The following CACNA2D4 variants were observed in gnomAD, a reference collection of about 807,000 sequenced individuals.
CACNA2D4 encodes calcium voltage-gated channel auxiliary subunit alpha2delta 4.
Under a neutral mutation model 163.8 loss-of-function variants are expected in CACNA2D4, and 157 were observed. That is an observed-to-expected ratio of 0.96 (90% CI 0.84 to 1.09). The LOEUF is 1.09. Among genes scored for constraint, CACNA2D4 ranks in the 50% least tolerant of loss-of-function variants. The pLI, the probability that CACNA2D4 is intolerant of heterozygous loss-of-function variation, is 0.00. For missense variants in CACNA2D4, 1,410 were observed against 1,479.9 expected (o/e 0.95, Z 0.78); for synonymous variants, 598 against 586.9 (o/e 1.02, Z -0.27).
chr12:1,823,741 A>G (rs905490368), intron 26 of CACNA2D4, among the ~76,000 whole-genome samples: 1 of 152,250 alleles, frequency 6.6e-6, no homozygotes, highest in Admixed American at 6.5e-5. Flanking sequence ...ATCTCAGTCC[A>G]GCAAGTCACA....
At chr12:1,840,966 T>G in intron 25 of CACNA2D4, 147 bp from the exon 26 acceptor site, 1 of 720,198 alleles carries the variant, frequency 1.4e-6, no homozygotes, top group Non-Finnish European at 2.4e-6. Flanking sequence ...ACAGGGGTTG[T>G]GTTTGGAGAA....
chr12:1,881,452 T>C (rs1191930596), intron 13 of CACNA2D4, among the ~76,000 whole-genome samples: 1 of 152,238 alleles, frequency 6.6e-6, no homozygotes, highest in African/African-American at 2.4e-5. Context: ...TCTGAAAGCC[T>C]TCGCTTTCCA....
At chr12:1,855,689 A>C (rs529809150) in intron 22 of CACNA2D4, among the ~76,000 whole-genome samples, 2 of 152,340 alleles carry the variant, frequency 1.3e-5, no homozygotes, top group Admixed American at 6.5e-5. Context: ...TGGTAGGGAA[A>C]AAGATGACAG....
intron 6 of CACNA2D4, among the ~76,000 whole-genome samples, chr12:1,906,239 C>A (rs1040465729): frequency 2.6e-5 from 4 of 152,160 alleles, no homozygotes; most frequent in East Asian, 1.9e-4. Context: ...AGGGGAAACA[C>A]TTTATGACAT....
At chr12:1,800,565 C>A in intron 31 of CACNA2D4, 127 bp from the exon 32 acceptor site, 1 of 908,518 alleles carries the variant, frequency 1.1e-6, no homozygotes, top group Non-Finnish European at 1.8e-6. Context: ...GCAGGGGCAG[C>A]AGAGCACAGG....
chr12:1,882,802 C>T (rs949944870), intron 13 of CACNA2D4, 65 bp downstream of exon 13: 14 of 1,573,548 alleles, frequency 8.9e-6, no homozygotes, highest in Non-Finnish European at 1.2e-5. Context: ...GAAGTAACTT[C>T]TTACTCCCTG....
rs745760527 is a variant in CACNA2D4 at position 1,830,899 on chromosome 12, A to G, written c.2551+9840T>C. 5.2e-6 allele frequency: 8 copies of G among 1,538,042 alleles called. No individual in the cohort carries two copies. The African/African-American group carries it at 5.4e-5, about 10-fold the overall frequency. The stretch of plus-strand genomic sequence containing the variant: ...GAAGCAGGAGGTGGTGACCCGTCCT[A>G]TTGCTTTCTTTCCCCCGTCTGTCCC... On this transcript the variant is annotated intron_variant, in intron 26 of 37. Transcript: ENST00000382722.
intron 6 of CACNA2D4, among the ~76,000 whole-genome samples, chr12:1,901,588 T>A (rs935348389): frequency 6.6e-6 from 1 of 152,040 alleles, no homozygotes; most frequent in Non-Finnish European, 1.5e-5. Context: ...TTGGAAAACC[T>A]AGAAGAAATG....
At chr12:1,905,052 G>A (rs750026453) in intron 6 of CACNA2D4, among the ~76,000 whole-genome samples, 2 of 151,996 alleles carry the variant, frequency 1.3e-5, no homozygotes, top group Non-Finnish European at 2.9e-5. Flanking sequence ...GGAATGCAAG[G>A]ATGGTTCAAC....
rs1256456296 is a variant in CACNA2D4 at position 1,828,203 on chromosome 12, A to G, written c.2551+12536T>C. 6.5e-7 allele frequency: 1 copy of G among 1,545,992 alleles called. No homozygotes were observed. Among genetic ancestry groups the G allele is most frequent in the African/African-American group, 1.4e-5 (1 of 72,698 alleles). On this transcript the variant is annotated intron_variant, in intron 26 of 37. Transcript: ENST00000382722. This position sits in a 1 kb window ranked among gnomAD's most constrained non-coding sequence, Gnocchi z 4.2. ...GAGGGGCAGGCTCGCCCTGCAGTGG[A>G]GGCAAGTCTCCTGTGAGTACACCCC...
In CACNA2D4 at chr12:1,875,501, T is replaced by C. The variant is rs1476780444; in HGVS notation, c.1720-164A>G. On this transcript the variant is annotated intron_variant, in intron 16 of 37. Coordinates refer to ENST00000382722, the MANE Select transcript of CACNA2D4 (RefSeq NM_172364.5). The surrounding 1 kb of genome is among the most constrained non-coding windows in gnomAD (Gnocchi z 4.0). ...GGTTATCTGGGCAAATTCCACCTGA[T>C]ACAGAGCTCCCCTTACTGACATCTA... 6.6e-6 allele frequency among the ~76,000 whole-genome samples: 1 copy of C among 152,214 alleles called. No homozygotes were observed. The highest frequency in any genetic ancestry group is 2.4e-5 in the African/African-American group (1 of 41,460).
rs1326536362 is a variant in CACNA2D4 at position 1,798,692 on chromosome 12, G to C, written c.2995+983C>G. Among the ~76,000 whole-genome samples the C allele has an allele frequency of 2.0e-5, 3 of 152,168 alleles. No homozygotes were observed. The highest frequency in any genetic ancestry group is 4.4e-5 in the Non-Finnish European group (3 of 68,038). On this transcript the variant is annotated intron_variant, in intron 34 of 37. Transcript: ENST00000382722. This position sits in a 1 kb window ranked among gnomAD's most constrained non-coding sequence, Gnocchi z 4.3. ...CTGACATCTGTGTAGGCCAGACCAGGGGGAGGAGCTCCAGGGGACAGGTAC... is the reference window on the plus strand; with the variant it reads ...CTGACATCTGTGTAGGCCAGACCAGCGGGAGGAGCTCCAGGGGACAGGTAC...
intron 26 of CACNA2D4, among the ~76,000 whole-genome samples, chr12:1,839,413 G>A (rs907264103): frequency 9.2e-5 from 14 of 152,244 alleles, no homozygotes; most frequent in East Asian, 5.8e-4. Flanking sequence ...CTGCAGGCAC[G>A]AAGAAACTGA....
intron 3 of CACNA2D4, among the ~76,000 whole-genome samples, chr12:1,910,566 C>T (rs1254403062): frequency 3.3e-5 from 5 of 152,128 alleles, no homozygotes; most frequent in South Asian, 2.1e-4. Flanking sequence ...CTAAAATATG[C>T]GTGCGTGCCA....
At chr12:1,894,933 G>A (rs774429899) in intron 6 of CACNA2D4, among the ~76,000 whole-genome samples, 6 of 152,166 alleles carry the variant, frequency 3.9e-5, no homozygotes, top group Admixed American at 2.6e-4. Context: ...AATTGGAAAA[G>A]AGGAAGTCAA....
chr12:1,872,766 C>T (rs1173912341), intron 18 of CACNA2D4, among the ~76,000 whole-genome samples: 1 of 152,164 alleles, frequency 6.6e-6, no homozygotes, highest in Non-Finnish European at 1.5e-5. Context: ...TGGAGGCTGC[C>T]AGGCTCCTGG....
rs920744701 is a variant in CACNA2D4, at chr12:1,833,415, C to T, written c.2551+7324G>A. Among the ~76,000 whole-genome samples the T allele has an allele frequency of 5.3e-5, 8 of 152,140 alleles. No individual in the cohort carries two copies. Among genetic ancestry groups the T allele is most frequent in the Non-Finnish European group, 1.2e-4 (8 of 68,032 alleles). On this transcript the variant is annotated intron_variant, in intron 26 of 37. Transcript: ENST00000382722. This position sits in a 1 kb window ranked among gnomAD's most constrained non-coding sequence, Gnocchi z 4.2. Reference sequence around the variant, plus strand: ...TCCTCAACCACCTTCTCTCTCACCCCAGCCCTGTCCTGCATCTGTGTCTCC... The same window carrying T: ...TCCTCAACCACCTTCTCTCTCACCCTAGCCCTGTCCTGCATCTGTGTCTCC...
rs1863758715 is a variant in CACNA2D4 at position 1,812,958 on chromosome 12, A to G, written c.2552-1235T>C. On this transcript the variant is annotated intron_variant, in intron 26 of 37. Transcript: ENST00000382722. The stretch of plus-strand genomic sequence containing the variant: ...GTTGGTGGGAGTTCCAGTATGGCAC[A>G]GAGATACAGGATTGTGTTTTTGTTT... 2.6e-5 allele frequency among the ~76,000 whole-genome samples: 4 copies of G among 152,204 alleles called. 1 individual carries two copies. The South Asian group carries it at 8.3e-4, about 31-fold the overall frequency.
rs1863228247 is a variant in CACNA2D4 at position 1,799,197 on chromosome 12, A to AGTGG, written c.2995+477_2995+478insCCAC. ...CCGCCCTGCACGTGTGGCCACAGCC[A>AGTGG]CCGGGCTTTGTGTTGGGGCCTCTCA... On this transcript the variant is annotated intron_variant, in intron 34 of 37. Coordinates refer to ENST00000382722, the MANE Select transcript of CACNA2D4 (RefSeq NM_172364.5). The surrounding 1 kb of genome is among the most constrained non-coding windows in gnomAD (Gnocchi z 4.7). Among the ~76,000 whole-genome samples, 1 of 152,180 alleles carries AGTGG rather than the reference A, an allele frequency of 6.6e-6. No homozygotes were observed. The highest frequency in any genetic ancestry group is 1.5e-5 in the Non-Finnish European group (1 of 68,020).
Sources: allele counts gnomAD v4.1 joint callset (sites outside exome capture counted in the v4.1 genomes callset), GRCh38; gene constraint gnomAD v4.1.1; non-coding constraint Gnocchi (gnomAD v3.1); transcripts MANE v1.5; gene names NCBI Gene and HGNC (gene_info 2026-07-23, HGNC 2026-07-21).